The following CUX1 variants were observed in gnomAD, a reference collection of about 807,000 sequenced individuals.
The protein encoded by CUX1 is cut like homeobox 1, also known as protein CASP.
CUX1 carries 31 observed loss-of-function variants against 158.8 expected under a neutral mutation model. That is an observed-to-expected ratio of 0.20 (90% CI 0.15 to 0.26). The LOEUF (loss-of-function observed/expected upper bound fraction) is 0.26. Among genes scored for constraint, CUX1 ranks in the 10% least tolerant of loss-of-function variants. The pLI is 1.00. For missense variants in CUX1, 1,589 were observed against 2,014.6 expected, an observed-to-expected ratio of 0.79 and a Z score of 4.04; for synonymous variants, 879 against 862.1, an observed-to-expected ratio of 1.02 and a Z score of -0.34.
chr7:102,106,263 C>T (rs201486), intron 6 of CUX1, among the ~76,000 whole-genome samples: 93,418 of 151,368 alleles, frequency 0.62, 30,393 homozygotes, highest in African/African-American at 0.78. Context: ...CTAATTTTTG[C>T]ATTTTTAGTA....
intron 13 of CUX1, chr7:102,194,170 T>C (rs1586150117): frequency 2.2e-6 from 1 of 454,848 alleles, no homozygotes; most frequent in East Asian, 3.3e-5. Flanking sequence ...AGATGGGCAC[T>C]ACCAAAAAGC....
chr7:102,193,539 T>A (rs1554517523), intron 12 of CUX1, among the ~76,000 whole-genome samples: 2 of 152,218 alleles, frequency 1.3e-5, no homozygotes, highest in Non-Finnish European at 2.9e-5. Flanking sequence ...CTCTGGTGGC[T>A]CATGCCTGTA....
At chr7:101,907,718 C>T (rs781582340) in intron 1 of CUX1, among the ~76,000 whole-genome samples, 11 of 152,030 alleles carry the variant, frequency 7.2e-5, no homozygotes, top group Non-Finnish European at 1.6e-4. Flanking sequence ...TTAAATGGAG[C>T]CCACGAAGAG....
rs546482388 is a variant in CUX1 at position 102,037,016 on chromosome 7, C to A, written c.189+8871C>A. On this transcript the variant is annotated intron_variant, in intron 3 of 23. Transcript: ENST00000292535. ...GACTAACCTGGGCAACATGGTGAAACCCTGTCTGTACAAAAACTTACAAAA... is the reference window on the plus strand; with the variant it reads ...GACTAACCTGGGCAACATGGTGAAAACCTGTCTGTACAAAAACTTACAAAA... Among the ~76,000 whole-genome samples the A allele has an allele frequency of 7.2e-5, 11 of 152,276 alleles. No individual in the cohort carries two copies. The East Asian group carries it at 2.1e-3, about 29-fold the overall frequency.
At chr7:102,070,314 TTTTC>T (rs1214341543) in intron 3 of CUX1, 21 bp from the exon 4 acceptor site, 2 of 1,594,676 alleles carry the variant, frequency 1.3e-6, no homozygotes, top group Non-Finnish European at 1.7e-6. Flanking sequence ...TTTGTTTTTC[TTTTC>T]TTTCTTTCCT....
rs563240311 is a variant in CUX1, at chr7:101,916,851, T to C, written c.141+626T>C. Among the ~76,000 whole-genome samples the C allele has an allele frequency of 1.8e-4, 27 of 152,210 alleles. No homozygotes were observed. Among genetic ancestry groups the C allele is most frequent in the African/African-American group, 6.5e-4 (27 of 41,554 alleles). ...AGTGTTGAGTTGCTGGGGTGGCGTT[T>C]TTCTGCTCGTTTCCTGGCCCCTTCT... On this transcript the variant is annotated intron_variant, in intron 2 of 23. Transcript: ENST00000292535. The surrounding 1 kb of genome is among the most constrained non-coding windows in gnomAD (Gnocchi z 4.4).
intron 3 of CUX1, among the ~76,000 whole-genome samples, chr7:102,036,324 T>C (rs985603869): frequency 6.6e-6 from 1 of 151,792 alleles, no homozygotes; most frequent in African/African-American, 2.4e-5. Context: ...CAAGAACAAA[T>C]GGTAAATAAT....
chr7:102,033,849 A>G (rs1003017407), intron 3 of CUX1, among the ~76,000 whole-genome samples: 6 of 152,112 alleles, frequency 3.9e-5, no homozygotes, highest in African/African-American at 1.4e-4. Flanking sequence ...AGGAAAATTA[A>G]AAGTCAGTCT....
At chr7:101,934,902 C>T (rs1297997031) in intron 2 of CUX1, among the ~76,000 whole-genome samples, 1 of 151,912 alleles carries the variant, frequency 6.6e-6, no homozygotes, top group African/African-American at 2.4e-5. Context: ...GCCGTGTTCT[C>T]TAGGAGTAGA....
intron 4 of CUX1, among the ~76,000 whole-genome samples, chr7:102,085,558 A>G (rs1192271011): frequency 6.6e-6 from 1 of 152,186 alleles, no homozygotes; most frequent in Non-Finnish European, 1.5e-5. Flanking sequence ...GAGGAAGGAC[A>G]TGTTTGCTTC....
chr7:101,878,701 G>C (rs1186465921), intron 1 of CUX1, among the ~76,000 whole-genome samples: 1 of 151,736 alleles, frequency 6.6e-6, no homozygotes, highest in African/African-American at 2.4e-5. Context: ...AAGAGACAGA[G>C]TTTCACTGTC....
intron 22 of CUX1, chr7:102,282,900 G>GCCCCCCC: frequency 1.1e-6 from 1 of 894,958 alleles, no homozygotes; most frequent in Admixed American, 2.2e-5. Flanking sequence ...CCCCATTCTG[G>GCCCCCCC]CCCTCCCCCT....
intron 17 of CUX1, among the ~76,000 whole-genome samples, chr7:102,276,763 C>CA (rs1791633596): frequency 6.6e-6 from 1 of 151,952 alleles, no homozygotes; most frequent in South Asian, 2.1e-4. Context: ...TCCATAGAGA[C>CA]AAAAAAGAGA....
chr7:102,100,208 G>A (rs797039014), intron 5 of CUX1, among the ~76,000 whole-genome samples: 16 of 152,274 alleles, frequency 1.1e-4, no homozygotes, highest in African/African-American at 3.6e-4. Context: ...AACCTGGGAG[G>A]TGGAGGTTGC....
chr7:101,866,297 A>C (rs1351369457), intron 1 of CUX1, among the ~76,000 whole-genome samples: 1 of 151,636 alleles, frequency 6.6e-6, no homozygotes, highest in Non-Finnish European at 1.5e-5. Flanking sequence ...CCCCATCTCT[A>C]CTTAAAAAAA....
At chr7:101,910,167 G>A (rs998557305) in intron 1 of CUX1, among the ~76,000 whole-genome samples, 3 of 152,016 alleles carry the variant, frequency 2.0e-5, no homozygotes, top group Non-Finnish European at 4.4e-5. Flanking sequence ...TACTTTTTGA[G>A]ACAGGGTCTC....
chr7:102,086,588 T>C (rs1827977053), intron 4 of CUX1, among the ~76,000 whole-genome samples: 1 of 151,870 alleles, frequency 6.6e-6, no homozygotes, highest in Non-Finnish European at 1.5e-5. Context: ...AATCATAATA[T>C]TAATTAATGT....
At chr7:102,034,957 AC>A (rs745798603) in intron 3 of CUX1, among the ~76,000 whole-genome samples, 123 of 151,808 alleles carry the variant, frequency 8.1e-4, no homozygotes, top group African/African-American at 2.7e-3. Context: ...CAAACAAAAA[AC>A]CCTACTAACA....
At chr7:101,933,685 T>G (rs1267917319) in intron 2 of CUX1, among the ~76,000 whole-genome samples, 1 of 152,212 alleles carries the variant, frequency 6.6e-6, no homozygotes, top group Non-Finnish European at 1.5e-5. Context: ...CCGTTGACCG[T>G]TTTGATCATA....
Sources: allele counts gnomAD v4.1 joint callset (sites outside exome capture counted in the v4.1 genomes callset), GRCh38; gene constraint gnomAD v4.1.1; non-coding constraint Gnocchi (gnomAD v3.1); transcripts MANE v1.5; gene names NCBI Gene and HGNC (gene_info 2026-07-23, HGNC 2026-07-21).